TENM3: variants seen among roughly 807,000 people sequenced by gnomAD.
TENM3 encodes the protein teneurin-3.
Under a neutral mutation model 255.1 loss-of-function variants are expected in TENM3, and 63 were observed. The observed-to-expected ratio is 0.25, with a 90% CI of 0.20 to 0.30. TENM3 has a LOEUF of 0.30. TENM3 is among the 10% of genes least tolerant of loss of function. TENM3 has a pLI of 1.00. For synonymous variants in TENM3, 1,306 were observed against 1,322.3 expected (o/e 0.99, Z 0.27); for missense variants, 2,929 against 3,461.1 (o/e 0.85, Z 3.86).
At chr4:182,377,302 TATTTATTTATTC>T (rs1158091024) in intron 3 of TENM3, among the ~76,000 whole-genome samples, 1 of 150,296 alleles carries the variant, frequency 6.7e-6, no homozygotes, top group African/African-American at 2.5e-5. Context: ...CCACATTTTG[TATTTATTTATTC>T]ATTTATTTAT....
the TENM3 span, among the ~76,000 whole-genome samples, chr4:181,870,821 C>CA: frequency 2.6e-4 from 39 of 151,882 alleles, no homozygotes; most frequent in African/African-American, 8.9e-4. Context: ...TGACATTGAT[C>CA]AATATTTTCT....
rs747593277 is a variant in TENM3 at position 182,324,124 on chromosome 4, T to A, written c.104T>A (p.Val35Glu). Residue 35 changes from valine (V) to glutamate (E), a missense_variant, in exon 2 of 28, where the codon GTA becomes GAA. Val to Glu is a moderately radical substitution (Grantham distance 121). Coordinates refer to ENST00000511685, the MANE Select transcript of TENM3 (RefSeq NM_001080477.4). ...NSSADNEECRVPTQKSYSSSE... is the reference protein window; with the variant it reads ...NSSADNEECREPTQKSYSSSE... ...TCCGCAGACAATGAGGAGTGCCGGG[T>A]ACCCACACAGAAGTCCTACAGTTCC... 20 of 1,613,788 alleles carry A rather than the reference T, an allele frequency of 1.2e-5. No individual in the cohort carries two copies. The highest frequency in any genetic ancestry group is 1.7e-5 in the Non-Finnish European group (20 of 1,179,884).
chr4:181,681,317 G>A, the TENM3 span, among the ~76,000 whole-genome samples: 1 of 151,840 alleles, frequency 6.6e-6, no homozygotes, highest in Non-Finnish European at 1.5e-5. Flanking sequence ...CATTTCACCG[G>A]ACCTTGATTA....
the TENM3 span, among the ~76,000 whole-genome samples, chr4:181,746,160 A>G: frequency 6.6e-6 from 1 of 152,156 alleles, no homozygotes; most frequent in Non-Finnish European, 1.5e-5. Context: ...GGAACTGAAC[A>G]GCAGGAGGAG....
chr4:182,481,575 G>T (rs1352196716), intron 3 of TENM3, among the ~76,000 whole-genome samples: 2 of 152,062 alleles, frequency 1.3e-5, no homozygotes, highest in African/African-American at 4.8e-5. Context: ...CAGACGGATT[G>T]CCTGAGCTCA....
the TENM3 span, among the ~76,000 whole-genome samples, chr4:181,655,692 GA>G: frequency 6.6e-6 from 1 of 152,186 alleles, no homozygotes; most frequent in Admixed American, 6.5e-5. Flanking sequence ...ATTAAGACCT[GA>G]AGGGTATAAT....
chr4:182,089,778 T>A, the TENM3 span, among the ~76,000 whole-genome samples: 1 of 152,210 alleles, frequency 6.6e-6, no homozygotes, highest in Admixed American at 6.5e-5. Context: ...TAATTGCATA[T>A]GAGATTCTAT....
At chr4:181,563,772 G>T in the TENM3 span, among the ~76,000 whole-genome samples, 13 of 151,994 alleles carry the variant, frequency 8.6e-5, no homozygotes, top group South Asian at 8.3e-4. Flanking sequence ...TCAAAATAAG[G>T]CCCATGCTCT....
chr4:181,633,547 T>G, the TENM3 span, among the ~76,000 whole-genome samples: 1 of 152,152 alleles, frequency 6.6e-6, no homozygotes, highest in East Asian at 1.9e-4. Context: ...TAAATGACCC[T>G]GAGCCTTAAA....
intron 6 of TENM3, among the ~76,000 whole-genome samples, chr4:182,666,901 C>CA (rs895694545): frequency 2.6e-4 from 36 of 140,200 alleles, no homozygotes; most frequent in East Asian, 4.1e-4. Flanking sequence ...GACCCTGTCT[C>CA]AAAAAAAAAA....
the TENM3 span, among the ~76,000 whole-genome samples, chr4:181,888,757 G>T: frequency 1.2e-3 from 185 of 150,922 alleles, no homozygotes; most frequent in Non-Finnish European, 2.1e-3. Flanking sequence ...GCAGGGGTCC[G>T]TTGGAGGAGG....
the TENM3 span, among the ~76,000 whole-genome samples, chr4:182,133,378 C>G: frequency 2.6e-5 from 4 of 152,144 alleles, no homozygotes; most frequent in Non-Finnish European, 1.5e-5. Context: ...TAAAGCTCTT[C>G]ATTTTTTTTG....
Position 182,544,323 on chromosome 4 carries a change from A to ATTTT in TENM3, c.512-56578_512-56575dup, listed in dbSNP as rs35639483. 1.9e-3 allele frequency among the ~76,000 whole-genome samples: 132 copies of ATTTT among 69,330 alleles called. 6 individuals are homozygous for ATTTT. The highest frequency in any genetic ancestry group is 5.7e-3 in the African/African-American group (102 of 17,744). The allele number at this position is 69,330 out of a possible 152,430, so 45.5% of individuals were successfully genotyped here. On this transcript the variant is annotated intron_variant, in intron 3 of 27. Transcript: ENST00000511685. ...AGCTCCCTCCAGCACAGCATTGTGG[A>ATTTT]TTTTTTTTTTTTTTTTTTTTTTTTT...
the TENM3 span, among the ~76,000 whole-genome samples, chr4:181,493,392 T>A: frequency 6.6e-6 from 1 of 152,092 alleles, no homozygotes; most frequent in Non-Finnish European, 1.5e-5. Flanking sequence ...AATTTTCTTT[T>A]TGACAAATAA....
At chr4:182,070,368 C>T in the TENM3 span, among the ~76,000 whole-genome samples, 1 of 152,182 alleles carries the variant, frequency 6.6e-6, no homozygotes, top group Admixed American at 6.5e-5. Flanking sequence ...CCTGTAATCC[C>T]AGCCCTTTGG....
At chr4:181,641,922 C>T in the TENM3 span, among the ~76,000 whole-genome samples, 1 of 143,866 alleles carries the variant, frequency 7.0e-6, no homozygotes, top group Admixed American at 7.3e-5. Context: ...AATAGGGCTG[C>T]AATAAACATA....
the TENM3 span, among the ~76,000 whole-genome samples, chr4:181,448,399 C>T: frequency 2.0e-4 from 31 of 151,390 alleles, no homozygotes; most frequent in African/African-American, 6.1e-4. Context: ...TCTCGATCTC[C>T]TGACCTCGTG....
chr4:182,259,817 ACTATAGTTACC>A (rs952602015), intron 1 of TENM3, among the ~76,000 whole-genome samples: 2 of 151,970 alleles, frequency 1.3e-5, no homozygotes, highest in African/African-American at 4.8e-5. Context: ...ATTACTGTAA[ACTATAGTTACC>A]CTACTGATCC....
At chr4:182,458,837 T>C (rs1187990232) in intron 3 of TENM3, among the ~76,000 whole-genome samples, 2 of 151,978 alleles carry the variant, frequency 1.3e-5, no homozygotes. Context: ...AAAAAAGGAG[T>C]GTGCTTACTC....
Sources: gnomAD v4.1 joint callset for allele counts (sites outside exome capture counted in the v4.1 genomes callset) on GRCh38, gnomAD v4.1.1 for gene constraint, MANE v1.5 for transcripts, NCBI Gene and HGNC (gene_info 2026-07-23, HGNC 2026-07-21) for gene names.